Variants in IKBKB observed in about 807,000 individuals in gnomAD.
IKBKB encodes inhibitor of nuclear factor kappa-B kinase subunit beta.
IKBKB carries 42 observed loss-of-function variants against 113.6 expected under a neutral mutation model. The observed-to-expected ratio is 0.37, with a 90% confidence interval of 0.29 to 0.48. The LOEUF is 0.48. IKBKB is among the 20% of genes least tolerant of loss of function. The pLI is 0.99. For synonymous variants in IKBKB, 296 were observed against 361.3 expected, an observed-to-expected ratio of 0.82 and a Z score of 2.05; for missense variants, 673 against 939.7, an observed-to-expected ratio of 0.72 and a Z score of 3.71.
chr8:42,282,518 T>A (rs1489099095), intron 2 of IKBKB, among the ~76,000 whole-genome samples: 1 of 152,168 alleles, frequency 6.6e-6, no homozygotes, highest in Admixed American at 6.5e-5. Context: ...CAAAGCAGTT[T>A]TAAGTTTTGT....
chr8:42,327,121 C>G (rs1167981066), intron 20 of IKBKB, among the ~76,000 whole-genome samples: 1 of 152,140 alleles, frequency 6.6e-6, no homozygotes, highest in Non-Finnish European at 1.5e-5. Context: ...TAAATTATAT[C>G]TCAATACAGT....
intron 20 of IKBKB, among the ~76,000 whole-genome samples, chr8:42,328,491 C>A (rs1446766313): frequency 6.6e-6 from 1 of 152,080 alleles, no homozygotes; most frequent in Non-Finnish European, 1.5e-5. Context: ...GTGGCTTATT[C>A]CCTTCAGTGA....
In IKBKB at chr8:42,288,631, T is replaced by C. The variant is rs374850898; in HGVS notation, c.106-3T>C. 3.7e-6 allele frequency: 6 copies of C among 1,606,616 alleles called. No homozygotes were observed. The highest frequency in any genetic ancestry group is 1.1e-5 in the South Asian group (1 of 90,600). The stretch of plus-strand genomic sequence containing the variant: ...GCTGGTCCCCACTGTGCTGTTTCTG[T>C]AGGAAACAGGTGAGCAGATTGCCAT... On this transcript the variant is annotated splice_region_variant and splice_polypyrimidine_tract_variant and intron_variant, in intron 2 of 21. Transcript: ENST00000520810.
intron 20 of IKBKB, among the ~76,000 whole-genome samples, chr8:42,326,813 G>A (rs769019700): frequency 3.3e-5 from 5 of 152,138 alleles, no homozygotes; most frequent in African/African-American, 9.7e-5. Flanking sequence ...CCCTCCGCCC[G>A]TTCTCCAGCA....
In IKBKB at chr8:42,319,726, A is replaced by G. The variant is rs1819412880; in HGVS notation, c.1578+80A>G. On this transcript the variant is annotated intron_variant, in intron 15 of 21. Coordinates refer to ENST00000520810, the MANE Select transcript of IKBKB (RefSeq NM_001556.3). ...CCCACTTTTCACTTTCTCATCAAAC[A>G]CTGGGTCGATCTCTGTCAAAAATCA... 4.2e-6 allele frequency: 5 copies of G among 1,178,874 alleles called. No homozygotes were observed. In the East Asian group the frequency reaches 7.1e-5, roughly 17 times the overall value. The allele number at this position is 1,178,874 out of a possible 1,614,324, so 73.0% of individuals were successfully genotyped here. A position where few individuals can be genotyped will look rare whatever the true frequency, so the allele number is the denominator to read the frequency against.
chr8:42,282,227 A>G (rs1024787166), intron 2 of IKBKB, among the ~76,000 whole-genome samples: 37 of 152,238 alleles, frequency 2.4e-4, no homozygotes, highest in African/African-American at 8.7e-4. Flanking sequence ...CCAGTAGTCC[A>G]CGCTGGAGTG....
chr8:42,327,421 C>T (rs1249383217), intron 20 of IKBKB, among the ~76,000 whole-genome samples: 1 of 150,558 alleles, frequency 6.6e-6, no homozygotes, highest in Non-Finnish European at 1.5e-5. Flanking sequence ...GCAACCTCCA[C>T]CTCTCAGGTT....
chr8:42,322,315 T>TG, intron 18 of IKBKB, 32 bp from the exon 19 acceptor site: 2 of 1,613,590 alleles, frequency 1.2e-6, no homozygotes, highest in Non-Finnish European at 1.7e-6. Context: ...CCAGCCCAAA[T>TG]GCCATTAGTT....
At chr8:42,300,384 T>C (rs2272733) in intron 5 of IKBKB, among the ~76,000 whole-genome samples, 109,696 of 152,090 alleles carry the variant, frequency 0.72, 43,900 homozygotes, top group Non-Finnish European at 0.89. Flanking sequence ...ATCTCAGCCT[T>C]TTGGACCATT....
At chr8:42,324,470 G>T (rs1287130091) in intron 19 of IKBKB, among the ~76,000 whole-genome samples, 1 of 152,090 alleles carries the variant, frequency 6.6e-6, no homozygotes, top group Non-Finnish European at 1.5e-5. Context: ...TCACCATGTT[G>T]GCCAGGCTGG....
chr8:42,304,597 C>T (rs539412942), intron 5 of IKBKB, among the ~76,000 whole-genome samples: 1 of 152,284 alleles, frequency 6.6e-6, no homozygotes, highest in South Asian at 2.1e-4. Context: ...GTAGGGCTGT[C>T]TGTATGTGTG....
At chr8:42,274,786 G>GGGGGGCCCC (rs1808636509) in intron 2 of IKBKB, among the ~76,000 whole-genome samples, 1 of 5,546 alleles carries the variant, frequency 1.8e-4, no homozygotes. Flanking sequence ...CCGCCGGCGC[G>GGGGGGCCCC]CCCCCCCCCC....
intron 2 of IKBKB, among the ~76,000 whole-genome samples, chr8:42,274,508 A>G (rs1808519883): frequency 7.9e-6 from 1 of 125,984 alleles, no homozygotes; most frequent in East Asian, 2.3e-4. Flanking sequence ...TCTACTTTCT[A>G]CTTCTGCGAG....
At chr8:42,322,033 T>TGCTACCCTCCCTC in intron 17 of IKBKB, 21 bp from the exon 18 acceptor site, 1 of 1,611,380 alleles carries the variant, frequency 6.2e-7, no homozygotes, top group South Asian at 1.1e-5. Context: ...TGAGGAACTA[T>TGCTACCCTCCCTC]GCTACCCTCC....
At chr8:42,306,501 C>T in intron 7 of IKBKB, 69 bp downstream of exon 7, 1 of 1,030,382 alleles carries the variant, frequency 9.7e-7, no homozygotes, top group East Asian at 2.4e-5. Flanking sequence ...GGCTCCTGTC[C>T]TGCCTTGCTC....
intron 7 of IKBKB, among the ~76,000 whole-genome samples, chr8:42,307,918 T>C (rs1816863831): frequency 6.6e-6 from 1 of 152,230 alleles, no homozygotes; most frequent in Admixed American, 6.5e-5. Flanking sequence ...ACCCTGTCTC[T>C]GTGCTTTTGC....
At chr8:42,307,341 T>C (rs917473163) in intron 7 of IKBKB, among the ~76,000 whole-genome samples, 6 of 152,136 alleles carry the variant, frequency 3.9e-5, no homozygotes, top group African/African-American at 1.4e-4. Flanking sequence ...ATGAAGGGCC[T>C]TCAGGGCTGG....
chr8:42,287,859 CAATG>C (rs1344123448), intron 2 of IKBKB, among the ~76,000 whole-genome samples: 1 of 152,142 alleles, frequency 6.6e-6, no homozygotes, highest in Non-Finnish European at 1.5e-5. Context: ...TCACATGAAA[CAATG>C]AAGACACTCA....
intron 1 of IKBKB, chr8:42,271,801 G>A (rs1807810123): frequency 1.9e-6 from 1 of 524,108 alleles, no homozygotes; most frequent in African/African-American, 2.0e-5. Context: ...GGAGTCAGCT[G>A]GGGATCCCCT....
Sources: allele counts gnomAD v4.1 joint callset (sites outside exome capture counted in the v4.1 genomes callset), GRCh38; gene constraint gnomAD v4.1.1; transcripts MANE v1.5; gene names NCBI Gene and HGNC (gene_info 2026-07-23, HGNC 2026-07-21).